The following RAPGEF1 variants were observed in gnomAD, a reference collection of about 807,000 sequenced individuals.
The protein encoded by RAPGEF1 is Rap guanine nucleotide exchange factor 1.
RAPGEF1 carries 33 observed loss-of-function variants against 143.3 expected under a neutral mutation model. That is an observed-to-expected ratio of 0.23 (90% CI 0.17 to 0.31). The LOEUF (loss-of-function observed/expected upper bound fraction) is 0.31. Ranked by LOEUF, RAPGEF1 falls within the 10% of genes least tolerant of loss-of-function variation. The pLI, the probability that RAPGEF1 is intolerant of heterozygous loss-of-function variation, is 1.00. For missense variants in RAPGEF1, 1,199 were observed against 1,645.4 expected (o/e 0.73, Z 4.69); for synonymous variants, 629 against 676.5 (o/e 0.93, Z 1.09).
Position 131,588,928 on chromosome 9 carries a change from C to T in RAPGEF1, c.2926G>A (p.Val976Met). 1 of 1,613,938 alleles carries T rather than the reference C, an allele frequency of 6.2e-7. No individual in the cohort carries two copies. Among genetic ancestry groups the T allele is most frequent in the Non-Finnish European group, 8.5e-7 (1 of 1,179,854 alleles). The change falls in exon 20 of 27, where the codon GTG (valine) becomes ATG (methionine). Residue 976 changes from valine to methionine, a missense_variant. Val to Met is a conservative substitution (Grantham distance 21). Around this residue, in one of 6 missense-constraint regions of RAPGEF1, gnomAD observed 209 missense variants for 403.0 expected, o/e 0.52. Coordinates refer to ENST00000683357, the MANE Select transcript of RAPGEF1 (RefSeq NM_001377935.1). ...GCCAGGCTCAGCTCCCCATTGCACA[C>T]CAGGCGGAAGACCAGTTCCATCAGC... Reference protein sequence around the residue: ...KLLMELVFRLVCNGELSLARV... With the variant: ...KLLMELVFRLMCNGELSLARV...
At chr9:131,711,388 C>G (rs1835496716) in intron 1 of RAPGEF1, among the ~76,000 whole-genome samples, 2 of 133,862 alleles carry the variant, frequency 1.5e-5, no homozygotes, top group Non-Finnish European at 3.2e-5. Context: ...GACAGAGTCT[C>G]ACTCTGTCAC....
Position 131,647,198 on chromosome 9 carries a change from T to G in RAPGEF1, c.315+2931A>C, listed in dbSNP as rs532517218. 2.6e-5 allele frequency among the ~76,000 whole-genome samples: 4 copies of G among 152,222 alleles called. No homozygotes were observed. In the South Asian group the frequency reaches 8.3e-4, roughly 32 times the overall value. On this transcript the variant is annotated intron_variant, in intron 3 of 26. Transcript: ENST00000683357. Reference sequence around the variant, plus strand: ...CACAATGTACTTTGAATTTTTAAATTCACTAAGAAGATGCAAGAGACTGCT... The same window carrying G: ...CACAATGTACTTTGAATTTTTAAATGCACTAAGAAGATGCAAGAGACTGCT...
Position 131,628,044 on chromosome 9 carries a change from G to A in RAPGEF1, c.1070C>T (p.Ser357Leu). Residue 357 changes from serine (S) to leucine (L), a missense_variant, in exon 9 of 27, where the codon TCA (serine) becomes TTA (leucine). This residue lies in a region of RAPGEF1 where 613 missense variants were observed against 710.9 expected (regional missense o/e 0.86). Transcript: ENST00000683357. The surrounding 1 kb of genome is among the most constrained non-coding windows in gnomAD (Gnocchi z 5.7). ...GAGGCGGGGCGACTCTCCACCATAT[G>A]AGTGGCTGCCTCCTGACAGTCGCCT... is the stretch of plus-strand genomic sequence containing the variant. ...AQRRLSGGSH[S>L]YGGESPRLSP... 6.4e-7 allele frequency: 1 copy of A among 1,567,226 alleles called. No homozygotes were observed. The highest frequency in any genetic ancestry group is 1.2e-5 in the South Asian group (1 of 85,194).
chr9:131,598,208 G>C lies in RAPGEF1; in HGVS notation c.2604C>G (p.Leu868=). The C allele has an allele frequency of 6.2e-7, 1 of 1,613,940 alleles. No individual in the cohort carries two copies. Among genetic ancestry groups the C allele is most frequent in the Non-Finnish European group, 8.5e-7 (1 of 1,179,848 alleles). Residue 868 remains leucine, a synonymous_variant, in exon 16 of 27, where the codon CTC becomes CTG. Coordinates refer to ENST00000683357, the MANE Select transcript of RAPGEF1 (RefSeq NM_001377935.1). ...DHNEIMSRLT[L]KQEGDDGPDV... ...CCCGGGAAGTTCTCACCTCCTGCTT[G>C]AGCGTCAGCCTGGACATAATTTCGT...
chr9:131,692,214 G>A (rs552458825), intron 1 of RAPGEF1, among the ~76,000 whole-genome samples: 173 of 152,318 alleles, frequency 1.1e-3, no homozygotes, highest in African/African-American at 3.6e-3. Flanking sequence ...CAAGTTTGAC[G>A]AGACTAAGCT....
chr9:131,642,921 C>T (rs538308696), intron 4 of RAPGEF1, among the ~76,000 whole-genome samples: 16 of 152,242 alleles, frequency 1.1e-4, no homozygotes, highest in African/African-American at 3.6e-4. Context: ...TCCTCCCACC[C>T]GCAGTGAATC....
Position 131,628,528 on chromosome 9 carries a change from A to C in RAPGEF1, c.1017+21T>G. ...CCACCCCCTCCCTGCCTTCCCATGC[A>C]GGGAACAGGGGCTGCATTACCTGCC... On this transcript the variant is annotated intron_variant, in intron 8 of 26. Coordinates refer to ENST00000683357, the MANE Select transcript of RAPGEF1 (RefSeq NM_001377935.1). This position sits in a 1 kb window ranked among gnomAD's most constrained non-coding sequence, Gnocchi z 5.7. 6.2e-7 allele frequency: 1 copy of C among 1,605,918 alleles called. No individual in the cohort carries two copies. The highest frequency in any genetic ancestry group is 8.5e-7 in the Non-Finnish European group (1 of 1,173,604).
intron 1 of RAPGEF1, among the ~76,000 whole-genome samples, chr9:131,704,234 C>T (rs918597654): frequency 5.3e-5 from 8 of 150,648 alleles, no homozygotes; most frequent in African/African-American, 1.7e-4. Context: ...TATTAATTAG[C>T]TGGCACACGG....
chr9:131,609,835 C>T (rs1284976816), intron 12 of RAPGEF1, among the ~76,000 whole-genome samples: 1 of 152,092 alleles, frequency 6.6e-6, no homozygotes, highest in Non-Finnish European at 1.5e-5. Context: ...ATAGTCCTGG[C>T]ATGGAAAAAG....
intron 6 of RAPGEF1, among the ~76,000 whole-genome samples, chr9:131,629,918 A>AT (rs1964381229): frequency 6.6e-6 from 1 of 152,188 alleles, no homozygotes; most frequent in African/African-American, 2.4e-5. Flanking sequence ...AGTGCTCTCA[A>AT]GTCAAAGCAC....
At chr9:131,643,894 C>T (rs1217804288) in intron 3 of RAPGEF1, among the ~76,000 whole-genome samples, 1 of 152,132 alleles carries the variant, frequency 6.6e-6, no homozygotes, top group Non-Finnish European at 1.5e-5. Flanking sequence ...GGGGCTGAAA[C>T]CCATTCCCTC....
intron 5 of RAPGEF1, among the ~76,000 whole-genome samples, chr9:131,635,359 G>A (rs1033754457): frequency 2.6e-5 from 4 of 151,440 alleles, no homozygotes; most frequent in South Asian, 4.2e-4. Flanking sequence ...ATGCTACCAT[G>A]CATTCAGGGA....
At chr9:131,739,019 C>T (rs191492211) in intron 1 of RAPGEF1, among the ~76,000 whole-genome samples, 6 of 152,284 alleles carry the variant, frequency 3.9e-5, no homozygotes, top group Non-Finnish European at 8.8e-5. Flanking sequence ...TCGCATTTGC[C>T]CTGCAAGGTG....
At chr9:131,739,507 G>A (rs548498068) in intron 1 of RAPGEF1, among the ~76,000 whole-genome samples, 2 of 151,768 alleles carry the variant, frequency 1.3e-5, no homozygotes, top group East Asian at 3.9e-4. Context: ...ACCGCGGAGC[G>A]GCTAGCGCGC....
intron 12 of RAPGEF1, among the ~76,000 whole-genome samples, chr9:131,615,240 T>A (rs946317324): frequency 3.3e-5 from 5 of 150,086 alleles, no homozygotes; most frequent in Non-Finnish European, 7.4e-5. Flanking sequence ...GCCTGGCTAA[T>A]TTTTTTTGTA....
intron 5 of RAPGEF1, among the ~76,000 whole-genome samples, chr9:131,635,414 GAAAA>G (rs528611013): frequency 1.5e-5 from 2 of 135,068 alleles, no homozygotes; most frequent in South Asian, 2.4e-4. Context: ...TCAATCATTT[GAAAA>G]AAAAAAAAAG....
At chr9:131,595,784 C>T (rs1017727988) in intron 17 of RAPGEF1, among the ~76,000 whole-genome samples, 2 of 152,142 alleles carry the variant, frequency 1.3e-5, no homozygotes, top group African/African-American at 2.4e-5. Context: ...ACACTGAATG[C>T]GTGGTAGGGT....
intron 15 of RAPGEF1, chr9:131,598,574 T>C (rs894446272): frequency 5.1e-6 from 3 of 585,860 alleles, no homozygotes; most frequent in Non-Finnish European, 9.7e-6. Context: ...CATTAAGCTG[T>C]TTGAGTGATG....
At chr9:131,698,602 A>AG (rs1274266504) in intron 1 of RAPGEF1, among the ~76,000 whole-genome samples, 3 of 152,196 alleles carry the variant, frequency 2.0e-5, no homozygotes, top group Non-Finnish European at 4.4e-5. Flanking sequence ...GGGTAGAAGG[A>AG]GGGGGCAGGT....
Sources: allele counts gnomAD v4.1 joint callset (sites outside exome capture counted in the v4.1 genomes callset), GRCh38; gene constraint gnomAD v4.1.1; regional missense constraint gnomAD v4.1.1; non-coding constraint Gnocchi (gnomAD v3.1); transcripts MANE v1.5; gene names NCBI Gene and HGNC (gene_info 2026-07-23, HGNC 2026-07-21).